The following HGSNAT variants were observed in gnomAD, a reference collection of about 807,000 sequenced individuals.
HGSNAT encodes the protein heparan-alpha-glucosaminide N-acetyltransferase, also known as transmembrane protein 76.
In HGSNAT, 59 loss-of-function variants were observed where a neutral mutation model predicts 85.2. The ratio of observed to expected loss-of-function variants is 0.69; its 90% CI spans 0.56 to 0.86. The LOEUF (loss-of-function observed/expected upper bound fraction) is 0.86, where lower values mean the gene tolerates loss of function less well. Among genes scored for constraint, HGSNAT ranks in the 40% least tolerant of loss-of-function variants. The probability of loss-of-function intolerance (pLI) is 0.00; values close to 1 mark genes in which losing one functional copy is unlikely to be tolerated. For missense variants in HGSNAT, 756 were observed against 777.1 expected (o/e 0.97, Z 0.32); for synonymous variants, 321 against 304.5 (o/e 1.05, Z -0.56).
chr8:43,150,044 C>T (rs1257474385), intron 2 of HGSNAT, among the ~76,000 whole-genome samples: 2 of 152,114 alleles, frequency 1.3e-5, no homozygotes, highest in Non-Finnish European at 2.9e-5. Flanking sequence ...ACAACCTCCA[C>T]CTCCTGGGTT....
intron 11 of HGSNAT, among the ~76,000 whole-genome samples, chr8:43,188,590 T>G (rs1804407568): frequency 6.6e-6 from 1 of 152,214 alleles, no homozygotes; most frequent in Non-Finnish European, 1.5e-5. Context: ...GGTTCAAACA[T>G]CCTCCTTTAG....
chr8:43,159,699 T>G (rs899873411), intron 4 of HGSNAT, among the ~76,000 whole-genome samples: 1 of 152,236 alleles, frequency 6.6e-6, no homozygotes, highest in African/African-American at 2.4e-5. Context: ...ATAGGGTAAT[T>G]GACTGTCAAA....
intron 17 of HGSNAT, 133 bp downstream of exon 17, chr8:43,198,085 G>T: frequency 3.1e-6 from 2 of 642,598 alleles, no homozygotes; most frequent in South Asian, 3.8e-5. Context: ...CAGGCTGAGG[G>T]AGGAAGCAGC....
intron 14 of HGSNAT, chr8:43,196,114 A>G (rs924272135): frequency 3.5e-6 from 1 of 283,282 alleles, no homozygotes; most frequent in African/African-American, 2.2e-5. Flanking sequence ...CAGCTCTGCC[A>G]CTTCCCAGCT....
At position 43,170,864 on chromosome 8, in the gene HGSNAT, C is replaced by A. The variant is rs1462881276; in HGVS notation, c.743+170C>A. 1.3e-5 allele frequency among the ~76,000 whole-genome samples: 2 copies of A among 152,232 alleles called. 1 individual carries two copies. The highest frequency in any genetic ancestry group is 2.9e-5 in the Non-Finnish European group (2 of 68,040). On this transcript the variant is annotated intron_variant, in intron 7 of 17. Coordinates refer to ENST00000379644, the MANE Select transcript of HGSNAT (RefSeq NM_152419.3). ...TCTGCAGCCTCTCCAGTCTGGAAGA[C>A]CATCATGATCCTCAGTGTCTGTATT...
intron 1 of HGSNAT, among the ~76,000 whole-genome samples, 161 bp downstream of exon 1, chr8:43,140,775 G>A (rs962860511): frequency 6.6e-6 from 1 of 152,108 alleles, no homozygotes; most frequent in South Asian, 2.1e-4. Flanking sequence ...CCGCGCCCCA[G>A]ACCGGAGGCC....
At position 43,201,085 on chromosome 8, in the gene HGSNAT, T is replaced by A. The variant is rs1804903945; in HGVS notation, c.*1516T>A. 6.6e-6 allele frequency: 1 copy of A among 152,474 alleles called. No homozygotes were observed. The highest frequency in any genetic ancestry group is 6.5e-5 in the Admixed American group (1 of 15,286). The allele number at this position is 152,474 out of a possible 1,614,324, so 9.4% of individuals were successfully genotyped here. ...TCCACCAGATCTCCCCAGTTCTGTC[T>A]CCATCTTCTACCTGCAGCTGCTCTG... is the stretch of plus-strand genomic sequence containing the variant. On this transcript the variant is annotated 3_prime_UTR_variant, in exon 18 of 18. Transcript: ENST00000379644. This position sits in a 1 kb window ranked among gnomAD's most constrained non-coding sequence, Gnocchi z 4.4.
chr8:43,173,682 C>T lies in HGSNAT; in HGVS notation c.821-31C>T, dbSNP rs760702723. On this transcript the variant is annotated intron_variant, in intron 8 of 17. Coordinates refer to ENST00000379644, the MANE Select transcript of HGSNAT (RefSeq NM_152419.3). ...TAGGAGGTATTTGTATTCTAGAGTCCTTTTGCTTATGCTTTGTACTTGTTC... is the reference window on the plus strand; with the variant it reads ...TAGGAGGTATTTGTATTCTAGAGTCTTTTTGCTTATGCTTTGTACTTGTTC... 4 of 1,610,802 alleles carry T rather than the reference C, an allele frequency of 2.5e-6. No homozygotes were observed. Among genetic ancestry groups the T allele is most frequent in the East Asian group, 2.2e-5 (1 of 44,772 alleles).
chr8:43,147,185 A>G, intron 2 of HGSNAT, 122 bp downstream of exon 2: 1 of 601,132 alleles, frequency 1.7e-6, no homozygotes, highest in Non-Finnish European at 2.9e-6. Flanking sequence ...GAAACAAAGA[A>G]GCTATATAAA....
intron 9 of HGSNAT, among the ~76,000 whole-genome samples, chr8:43,177,047 T>C (rs930038252): frequency 6.6e-6 from 1 of 152,166 alleles, no homozygotes; most frequent in Admixed American, 6.6e-5. Flanking sequence ...GTTTCTCTTG[T>C]CTGACTGCTC....
intron 2 of HGSNAT, among the ~76,000 whole-genome samples, chr8:43,153,880 A>G (rs1457278426): frequency 6.6e-6 from 1 of 152,168 alleles, no homozygotes; most frequent in Non-Finnish European, 1.5e-5. Flanking sequence ...AGAGGATTTT[A>G]TTCTTTTTTA....
intron 13 of HGSNAT, among the ~76,000 whole-genome samples, chr8:43,192,859 T>C (rs34215484): frequency 0.045 from 6,861 of 152,252 alleles, 203 homozygotes; most frequent in South Asian, 0.078. Context: ...TCGGATTTCC[T>C]GGCAGCAGAC....
rs1047054890 is a variant in HGSNAT, at chr8:43,191,416, T to G, written c.1129-58T>G. 14 of 1,590,394 alleles carry G rather than the reference T, an allele frequency of 8.8e-6. No individual in the cohort carries two copies. The Admixed American group carries it at 1.9e-4, about 21-fold the overall frequency. On this transcript the variant is annotated intron_variant, in intron 11 of 17. Coordinates refer to ENST00000379644, the MANE Select transcript of HGSNAT (RefSeq NM_152419.3). Reference sequence around the variant, plus strand: ...CGGGAATTTCCTAAAGACATGTGCTTAGTTCCCTTCTATTTGCATTTAGTT... The same window carrying G: ...CGGGAATTTCCTAAAGACATGTGCTGAGTTCCCTTCTATTTGCATTTAGTT...
chr8:43,177,928 CTACTGTTAGCTCAG>C (rs1803870228), intron 9 of HGSNAT, 132 bp from the exon 10 acceptor site: 1 of 699,098 alleles, frequency 1.4e-6, no homozygotes, highest in African/African-American at 1.8e-5. Flanking sequence ...AACTCTTCCT[CTACTGTTAGCTCAG>C]TATTATTTCA....
intron 5 of HGSNAT, among the ~76,000 whole-genome samples, chr8:43,166,150 A>G (rs1803428460): frequency 6.6e-6 from 1 of 152,210 alleles, no homozygotes; most frequent in Non-Finnish European, 1.5e-5. Context: ...CAGAAGGTTT[A>G]AGGAAGGAAG....
chr8:43,143,656 G>C (rs1802621760), intron 1 of HGSNAT, among the ~76,000 whole-genome samples: 1 of 151,514 alleles, frequency 6.6e-6, no homozygotes, highest in African/African-American at 2.4e-5. Flanking sequence ...TCCTGACTCA[G>C]CCTCCCGAGT....
chr8:43,202,554 A>G lies in HGSNAT; in HGVS notation c.*2985A>G, dbSNP rs62517634. 5 of 152,214 alleles carry G rather than the reference A, an allele frequency of 3.3e-5. No individual in the cohort carries two copies. The highest frequency in any genetic ancestry group is 7.3e-5 in the Non-Finnish European group (5 of 68,042). The allele number at this position is 152,214 out of a possible 1,614,324, so 9.4% of individuals were successfully genotyped here. On this transcript the variant is annotated 3_prime_UTR_variant, in exon 18 of 18. Transcript: ENST00000379644. The stretch of plus-strand genomic sequence containing the variant: ...GGAGGTGCGAGCTCCTAAGTAATGG[A>G]GCAAAAAAATTCTATTCTGTAGAAT...
intron 11 of HGSNAT, among the ~76,000 whole-genome samples, chr8:43,182,950 C>G (rs186820924): frequency 1.8e-4 from 28 of 152,264 alleles, no homozygotes; most frequent in Non-Finnish European, 2.9e-4. Context: ...TGTCAGCAGA[C>G]AGTAATCACA....
intron 12 of HGSNAT, 93 bp downstream of exon 12, chr8:43,191,688 C>T: frequency 6.9e-7 from 1 of 1,450,324 alleles, no homozygotes; most frequent in Non-Finnish European, 9.4e-7. Context: ...CAGAGGAATT[C>T]TCTTTCCCTC....
Sources: gnomAD v4.1 joint callset for allele counts (sites outside exome capture counted in the v4.1 genomes callset) on GRCh38, gnomAD v4.1.1 for gene constraint, Gnocchi (gnomAD v3.1) non-coding constraint, MANE v1.5 for transcripts, NCBI Gene and HGNC (gene_info 2026-07-23, HGNC 2026-07-21) for gene names.